CPNE4: variants seen among roughly 807,000 people sequenced by gnomAD.
The protein encoded by CPNE4 is copine 4, also known as copine-4.
A neutral mutation model predicts 67.9 loss-of-function variants in CPNE4; 25 were observed. That is an observed-to-expected ratio of 0.37 (90% CI 0.27 to 0.51). The LOEUF (loss-of-function observed/expected upper bound fraction) is 0.51. CPNE4 is among the 20% of genes least tolerant of loss of function. CPNE4 has a pLI of 0.93. For missense variants in CPNE4, 464 were observed against 690.8 expected, an observed-to-expected ratio of 0.67 and a Z score of 3.68; for synonymous variants, 242 against 244.9, an observed-to-expected ratio of 0.99 and a Z score of 0.11.
In CPNE4 at chr3:131,534,293, G is replaced by A. The variant is rs1343204348; in HGVS notation, c.*902C>T. On this transcript the variant is annotated 3_prime_UTR_variant, in exon 16 of 16. Coordinates refer to ENST00000429747, the MANE Select transcript of CPNE4 (RefSeq NM_130808.3). Reference sequence around the variant, plus strand: ...TTGAGGTGTGCAGCTTCTGGAGTCAGTCTCATTACTTTCTACTGTCACCTC... The same window carrying A: ...TTGAGGTGTGCAGCTTCTGGAGTCAATCTCATTACTTTCTACTGTCACCTC... The A allele has an allele frequency of 6.6e-6, 1 of 152,176 alleles. No homozygotes were observed. Among genetic ancestry groups the A allele is most frequent in the African/African-American group, 2.4e-5 (1 of 41,430 alleles). 9.4% of individuals were successfully genotyped at this position (152,176 alleles called of 1,614,324 possible). A position where few individuals can be genotyped will look rare whatever the true frequency, so the allele number is the denominator to read the frequency against.
At chr3:131,981,925 G>A (rs190695380) in intron 1 of CPNE4, among the ~76,000 whole-genome samples, 2 of 152,142 alleles carry the variant, frequency 1.3e-5, no homozygotes, top group African/African-American at 2.4e-5. Flanking sequence ...ACAGTTTTGG[G>A]GATGTCTCCC....
intron 7 of CPNE4, among the ~76,000 whole-genome samples, chr3:131,644,908 T>C (rs115949250): frequency 1.3e-5 from 2 of 152,212 alleles, no homozygotes; most frequent in Admixed American, 6.5e-5. Flanking sequence ...CAACTGTAGA[T>C]AATTTAATTG....
chr3:131,673,725 GT>G (rs2080486398), intron 6 of CPNE4, among the ~76,000 whole-genome samples: 2 of 151,932 alleles, frequency 1.3e-5, no homozygotes. Flanking sequence ...GAGTCTTTAG[GT>G]TTTTCCAAAT....
At chr3:131,809,675 T>C (rs948646969) in intron 2 of CPNE4, among the ~76,000 whole-genome samples, 2 of 152,088 alleles carry the variant, frequency 1.3e-5, no homozygotes, top group Admixed American at 1.3e-4. Flanking sequence ...AAATCAAATG[T>C]GGACAAACAA....
intron 2 of CPNE4, among the ~76,000 whole-genome samples, chr3:131,891,696 T>C (rs926476685): frequency 1.3e-4 from 20 of 152,166 alleles, no homozygotes; most frequent in Admixed American, 6.6e-5. Context: ...GTTCTGGTGT[T>C]AGTCTGCTAA....
chr3:131,777,447 A>T (rs1272019740), intron 2 of CPNE4, among the ~76,000 whole-genome samples: 1 of 151,670 alleles, frequency 6.6e-6, no homozygotes, highest in Non-Finnish European at 1.5e-5. Flanking sequence ...TATTATAAGT[A>T]GATGTGGGGA....
chr3:132,006,381 G>A (rs2001306), intron 1 of CPNE4, among the ~76,000 whole-genome samples: 128,040 of 152,062 alleles, frequency 0.84, 54,920 homozygotes, highest in Non-Finnish European at 0.93. Context: ...TTGAAAATAG[G>A]AATCTTTCTT....
At chr3:131,967,365 C>T (rs1378083957) in intron 1 of CPNE4, among the ~76,000 whole-genome samples, 1 of 152,124 alleles carries the variant, frequency 6.6e-6, no homozygotes, top group Non-Finnish European at 1.5e-5. Flanking sequence ...GTTGGAAGTT[C>T]TGGCCAGGGC....
intron 7 of CPNE4, among the ~76,000 whole-genome samples, chr3:131,628,359 G>A (rs1476207908): frequency 6.6e-6 from 1 of 152,156 alleles, no homozygotes; most frequent in Non-Finnish European, 1.5e-5. Flanking sequence ...TTACATGGTG[G>A]CAACAGAAGA....
At chr3:131,610,963 CT>C (rs1341834318) in intron 7 of CPNE4, among the ~76,000 whole-genome samples, 2 of 152,180 alleles carry the variant, frequency 1.3e-5, no homozygotes, top group African/African-American at 4.8e-5. Context: ...CAGGTTATCT[CT>C]TTAGAATCCA....
rs2073028868 is a variant in CPNE4 at position 131,985,863 on chromosome 3, T to C, written c.-2+48704A>G. 1.9e-5 allele frequency: 3 copies of C among 154,050 alleles called. No individual in the cohort carries two copies. The South Asian group carries it at 6.1e-4, about 31-fold the overall frequency. 9.5% of individuals were successfully genotyped at this position (154,050 alleles called of 1,614,324 possible). ...ATGATGGGATAATTGTCTGGTCTTG[T>C]TTAGGCCATCATCCTGTTATGTTTG... is the stretch of plus-strand genomic sequence containing the variant. On this transcript the variant is annotated intron_variant, in intron 1 of 15. Transcript: ENST00000429747.
At chr3:131,774,628 A>T (rs2083250464) in intron 2 of CPNE4, among the ~76,000 whole-genome samples, 1 of 152,162 alleles carries the variant, frequency 6.6e-6, no homozygotes, top group Non-Finnish European at 1.5e-5. Context: ...TCACAAAATT[A>T]CCAAGACAAT....
At chr3:131,926,584 C>T (rs1434843768) in intron 1 of CPNE4, among the ~76,000 whole-genome samples, 1 of 152,060 alleles carries the variant, frequency 6.6e-6, no homozygotes, top group Non-Finnish European at 1.5e-5. Flanking sequence ...ACTTATATCC[C>T]TGAGTCAGTT....
intron 2 of CPNE4, among the ~76,000 whole-genome samples, chr3:131,849,793 CAG>C (rs1009971008): frequency 1.3e-5 from 2 of 152,136 alleles, no homozygotes; most frequent in African/African-American, 4.8e-5. Context: ...CCCAACCAAA[CAG>C]AATGTGAAGG....
intron 1 of CPNE4, among the ~76,000 whole-genome samples, chr3:132,019,061 C>T (rs781703948): frequency 4.6e-5 from 7 of 151,688 alleles, no homozygotes; most frequent in Non-Finnish European, 7.4e-5. Context: ...TATGGCATGG[C>T]TGTCACCTTT....
intron 2 of CPNE4, among the ~76,000 whole-genome samples, chr3:131,890,884 C>A (rs1413932167): frequency 6.6e-6 from 1 of 152,014 alleles, no homozygotes; most frequent in Admixed American, 6.6e-5. Flanking sequence ...TTATAAGAGA[C>A]ATCTAAAATA....
chr3:131,590,338 T>G (rs887318978), intron 7 of CPNE4, among the ~76,000 whole-genome samples: 2 of 152,102 alleles, frequency 1.3e-5, no homozygotes, highest in African/African-American at 2.4e-5. Flanking sequence ...GGGGTGGAAC[T>G]CTACAGAAAT....
chr3:131,691,773 G>A (rs1293378762), intron 5 of CPNE4, among the ~76,000 whole-genome samples: 1 of 152,068 alleles, frequency 6.6e-6, no homozygotes, highest in African/African-American at 2.4e-5. Flanking sequence ...AAGGCATTTT[G>A]TAAAAAACTG....
chr3:131,731,086 C>G (rs1212958584), intron 2 of CPNE4, among the ~76,000 whole-genome samples: 1 of 152,186 alleles, frequency 6.6e-6, no homozygotes, highest in East Asian at 1.9e-4. Context: ...TGACAAGTGT[C>G]TTTCTCCCAC....
Sources: allele counts gnomAD v4.1 joint callset (sites outside exome capture counted in the v4.1 genomes callset), GRCh38; gene constraint gnomAD v4.1.1; transcripts MANE v1.5; gene names NCBI Gene and HGNC (gene_info 2026-07-23, HGNC 2026-07-21).